MARK3: variants seen among roughly 807,000 people sequenced by gnomAD.
MARK3 encodes the protein microtubule affinity regulating kinase 3.
A neutral mutation model predicts 90.1 loss-of-function variants in MARK3; 46 were observed. The ratio of observed to expected loss-of-function variants is 0.51; its 90% confidence interval spans 0.40 to 0.65. The LOEUF (loss-of-function observed/expected upper bound fraction) is 0.65. MARK3 is among the 30% of genes least tolerant of loss of function. MARK3 has a pLI of 0.00. For missense variants in MARK3, 818 were observed against 947.2 expected (o/e 0.86, Z 1.79); for synonymous variants, 321 against 332.6 (o/e 0.97, Z 0.38).
At chr14:103,389,351 C>T (rs2090048921) in intron 1 of MARK3, among the ~76,000 whole-genome samples, 1 of 143,384 alleles carries the variant, frequency 7.0e-6, no homozygotes, top group Non-Finnish European at 1.5e-5. Context: ...GCGACAGAGC[C>T]AGACTCCATC....
chr14:103,395,936 G>A (rs756264376), intron 1 of MARK3, among the ~76,000 whole-genome samples: 17 of 152,152 alleles, frequency 1.1e-4, no homozygotes, highest in Non-Finnish European at 2.1e-4. Context: ...TCTTTGTGGT[G>A]CTCTTGATAC....
intron 6 of MARK3, among the ~76,000 whole-genome samples, chr14:103,458,093 T>G (rs996926059): frequency 1.3e-5 from 2 of 152,192 alleles, no homozygotes; most frequent in African/African-American, 4.8e-5. Flanking sequence ...AAGGGCCAGA[T>G]AGTGAACATT....
intron 1 of MARK3, among the ~76,000 whole-genome samples, chr14:103,404,720 G>A (rs1219711937): frequency 6.6e-6 from 1 of 152,094 alleles, no homozygotes; most frequent in Non-Finnish European, 1.5e-5. Context: ...CTTTTCCCCT[G>A]CTGCACGGGC....
At chr14:103,467,985 A>G (rs373697755) in intron 11 of MARK3, 48 bp from the exon 12 acceptor site, 4 of 1,592,620 alleles carry the variant, frequency 2.5e-6, no homozygotes, top group Non-Finnish European at 3.4e-6. Context: ...CTAATAAGCC[A>G]TTTGGGTTCG....
rs1299534465 is a variant in MARK3, at chr14:103,470,453, C to CAATTTTTTTTTTTTTTTTTTTTTTTTT, written c.1264+2267_1264+2268insAATTTTTTTTTTTTTTTTTTTTTTTTT. ...CTATTCCAGGATTCAGGAACTAAATCTATTTTTTTTTTTTTTTTTGAGATG... is the reference window on the plus strand; with the variant it reads ...CTATTCCAGGATTCAGGAACTAAATCAATTTTTTTTTTTTTTTTTTTTTTTTTTATTTTTTTTTTTTTTTTTGAGATG... On this transcript the variant is annotated intron_variant, in intron 12 of 17. Coordinates refer to ENST00000429436, the MANE Select transcript of MARK3 (RefSeq NM_001128918.3). Among the ~76,000 whole-genome samples, 11 of 24,180 alleles carry CAATTTTTTTTTTTTTTTTTTTTTTTTT rather than the reference C, an allele frequency of 4.5e-4. 1 individual carries two copies. Among genetic ancestry groups the CAATTTTTTTTTTTTTTTTTTTTTTTTT allele is most frequent in the Admixed American group, 1.3e-3 (2 of 1,536 alleles). 15.9% of individuals were successfully genotyped at this position (24,180 alleles called of 152,430 possible).
Position 103,422,583 on chromosome 14 carries a change from C to T in MARK3, c.244-5804C>T, listed in dbSNP as rs142980663. 9.3e-4 allele frequency among the ~76,000 whole-genome samples: 141 copies of T among 152,244 alleles called. 2 individuals carry two copies. The highest frequency in any genetic ancestry group is 3.4e-3 in the African/African-American group (140 of 41,546). On this transcript the variant is annotated intron_variant, in intron 2 of 17. Coordinates refer to ENST00000429436, the MANE Select transcript of MARK3 (RefSeq NM_001128918.3). ...CCCGGGCAAAAAATATACTGTGACC[C>T]ACACCCTAGAAGCCTCCCTTTGGCC...
chr14:103,466,747 G>A (rs139238706), intron 10 of MARK3, among the ~76,000 whole-genome samples: 1 of 152,254 alleles, frequency 6.6e-6, no homozygotes, highest in Non-Finnish European at 1.5e-5. Context: ...GCTCACGCCT[G>A]TAATCCCAGC....
chr14:103,412,250 G>T, intron 2 of MARK3: 2 of 739,238 alleles, frequency 2.7e-6, no homozygotes, highest in Non-Finnish European at 2.3e-6. Context: ...CTCATCGTCT[G>T]TCATCTTCAC....
intron 2 of MARK3, among the ~76,000 whole-genome samples, chr14:103,424,853 CATT>C (rs911478443): frequency 1.2e-4 from 18 of 152,190 alleles, no homozygotes; most frequent in African/African-American, 4.1e-4. Flanking sequence ...TTTAAAACCT[CATT>C]ATCTGTTAAA....
intron 2 of MARK3, among the ~76,000 whole-genome samples, chr14:103,420,263 C>G (rs2092151529): frequency 6.6e-6 from 1 of 152,032 alleles, no homozygotes; most frequent in African/African-American, 2.4e-5. Flanking sequence ...GAGTCTTGCT[C>G]TGTCGCCCAG....
chr14:103,457,084 G>T, intron 5 of MARK3, 58 bp from the exon 6 acceptor site: 1 of 1,033,124 alleles, frequency 9.7e-7, no homozygotes, highest in Non-Finnish European at 1.5e-6. Flanking sequence ...ATCAATTTAT[G>T]GGAAAATTAA....
chr14:103,448,220 G>A lies in MARK3; in HGVS notation c.298-699G>A, dbSNP rs1566860665. ...AAGAGGCCAGACCAGCTCCTTCACA[G>A]TGCTCCAAGAGAGCAAGCCATGACG... On this transcript the variant is annotated intron_variant, in intron 3 of 17. Transcript: ENST00000429436. Among the ~76,000 whole-genome samples the A allele has an allele frequency of 2.6e-5, 4 of 152,156 alleles. No individual in the cohort carries two copies. In the South Asian group the frequency reaches 8.3e-4, roughly 32 times the overall value.
At chr14:103,427,128 A>G (rs7140647) in intron 2 of MARK3, among the ~76,000 whole-genome samples, 52,163 of 150,362 alleles carry the variant, frequency 0.35, 9,510 homozygotes, top group East Asian at 0.5. Flanking sequence ...ATAAAATGTT[A>G]TAACAATACG....
intron 2 of MARK3, among the ~76,000 whole-genome samples, chr14:103,413,789 T>C (rs2091803010): frequency 6.6e-6 from 1 of 152,048 alleles, no homozygotes; most frequent in African/African-American, 2.4e-5. Flanking sequence ...TCAAATAAAA[T>C]GGGATCATAT....
intron 1 of MARK3, among the ~76,000 whole-genome samples, chr14:103,389,723 C>T (rs2090093015): frequency 1.3e-5 from 2 of 151,378 alleles, no homozygotes; most frequent in African/African-American, 4.9e-5. Flanking sequence ...GCAGGTGGAT[C>T]ACCTGAGGTC....
chr14:103,473,033 G>GATGTGCACA (rs1292331745), intron 12 of MARK3, among the ~76,000 whole-genome samples: 2 of 151,376 alleles, frequency 1.3e-5, no homozygotes, highest in Non-Finnish European at 2.9e-5. Flanking sequence ...AACAAACTAT[G>GATGTGCACA]ATGTGCACAA....
intron 2 of MARK3, chr14:103,412,749 C>G: frequency 1.5e-5 from 8 of 535,952 alleles, no homozygotes; most frequent in South Asian, 1.2e-4. Context: ...TCGTGAGAGA[C>G]TTTGCTGCTT....
intron 15 of MARK3, among the ~76,000 whole-genome samples, chr14:103,495,490 A>G (rs539883138): frequency 3.9e-4 from 59 of 152,076 alleles, no homozygotes; most frequent in African/African-American, 1.3e-3. Flanking sequence ...AAAAAAAAAA[A>G]AAGTATCAGG....
At chr14:103,421,101 T>C (rs2092200672) in intron 2 of MARK3, among the ~76,000 whole-genome samples, 1 of 152,142 alleles carries the variant, frequency 6.6e-6, no homozygotes, top group South Asian at 2.1e-4. Context: ...GCACTGCACA[T>C]GGCTATGGTG....
Sources: allele counts gnomAD v4.1 joint callset (sites outside exome capture counted in the v4.1 genomes callset), GRCh38; gene constraint gnomAD v4.1.1; transcripts MANE v1.5; gene names NCBI Gene and HGNC (gene_info 2026-07-23, HGNC 2026-07-21).